Variants in ZFYVE9 observed in about 807,000 individuals in gnomAD.
ZFYVE9 encodes the protein zinc finger FYVE domain-containing protein 9.
ZFYVE9 carries 43 observed loss-of-function variants against 126.7 expected under a neutral mutation model. That is an observed-to-expected ratio of 0.34 (90% CI 0.27 to 0.44). The LOEUF is 0.44. Ranked by LOEUF, ZFYVE9 falls within the 20% of genes least tolerant of loss-of-function variation. ZFYVE9 has a pLI of 1.00. For missense variants in ZFYVE9, 1,476 were observed against 1,697.0 expected (o/e 0.87, Z 2.29); for synonymous variants, 521 against 597.4 (o/e 0.87, Z 1.87).
At chr1:52,340,559 A>G (rs1049452793) in intron 17 of ZFYVE9, among the ~76,000 whole-genome samples, 1 of 152,162 alleles carries the variant, frequency 6.6e-6, no homozygotes, top group African/African-American at 2.4e-5. Flanking sequence ...GTACTTATAA[A>G]CTATTTTAGA....
intron 15 of ZFYVE9, among the ~76,000 whole-genome samples, chr1:52,336,365 T>TG (rs1476932180): frequency 1.1e-4 from 14 of 124,170 alleles, no homozygotes; most frequent in Admixed American, 9.8e-4. Flanking sequence ...AGAGGTTTTT[T>TG]TTGTTTTTTT....
rs1231800143 is a variant in ZFYVE9 at position 52,238,181 on chromosome 1, A to G, written c.764A>G (p.Asp255Gly). Residue 255 changes from aspartate (D) to glycine (G), a missense_variant, in exon 4 of 19, where the codon GAC becomes GGC. Physicochemically the swap from Asp to Gly is moderately conservative, Grantham distance 94. Transcript: ENST00000287727. The stretch of plus-strand genomic sequence containing the variant: ...AAGGATGACGGAAGTATAGGTAGAG[A>G]CCCCTCCATGTCTGCGATTACAAGT... ...QLKDDGSIGR[D>G]PSMSAITSLT... 1 of 1,613,866 alleles carries G rather than the reference A, an allele frequency of 6.2e-7. No homozygotes were observed. The highest frequency in any genetic ancestry group is 1.7e-5 in the Admixed American group (1 of 59,992).
At chr1:52,150,360 A>T (rs1644343187) in intron 1 of ZFYVE9, 1 of 152,246 alleles carries the variant, frequency 6.6e-6, no homozygotes, top group South Asian at 2.1e-4. Flanking sequence ...CAGTAGTGGG[A>T]TCATGTCTGA....
intron 1 of ZFYVE9, among the ~76,000 whole-genome samples, chr1:52,189,141 T>G (rs1225169298): frequency 1.1e-4 from 16 of 151,900 alleles, no homozygotes; most frequent in Non-Finnish European, 2.2e-4. Flanking sequence ...TTCACCATAT[T>G]GGCCCGGGTG....
At chr1:52,171,247 C>T (rs558825163) in intron 1 of ZFYVE9, among the ~76,000 whole-genome samples, 33 of 151,754 alleles carry the variant, frequency 2.2e-4, no homozygotes, top group Middle Eastern at 3.4e-3. Flanking sequence ...TGAGAACATG[C>T]GGTGTTTGGT....
At chr1:52,316,348 G>A (rs1011797616) in intron 13 of ZFYVE9, among the ~76,000 whole-genome samples, 2 of 151,318 alleles carry the variant, frequency 1.3e-5, no homozygotes, top group Non-Finnish European at 2.9e-5. Flanking sequence ...GCTGGGCTTT[G>A]GTGGTGGGTG....
chr1:52,295,650 A>G (rs1440498969), intron 11 of ZFYVE9, among the ~76,000 whole-genome samples: 1 of 152,156 alleles, frequency 6.6e-6, no homozygotes, highest in Non-Finnish European at 1.5e-5. Flanking sequence ...AGCATGAGCC[A>G]CTATGCCTGG....
At chr1:52,253,933 C>T (rs1012221254) in intron 4 of ZFYVE9, 1 of 954,482 alleles carries the variant, frequency 1.0e-6, no homozygotes, top group South Asian at 1.3e-5. Context: ...TTTTCACAAC[C>T]TTCAAGAAAT....
At chr1:52,220,855 T>G (rs894951847) in intron 2 of ZFYVE9, among the ~76,000 whole-genome samples, 2 of 152,166 alleles carry the variant, frequency 1.3e-5, no homozygotes, top group Non-Finnish European at 2.9e-5. Context: ...TGGGTGCCTT[T>G]TCAGAAGAGG....
intron 4 of ZFYVE9, among the ~76,000 whole-genome samples, chr1:52,244,664 T>C (rs1645366492): frequency 6.6e-6 from 1 of 152,170 alleles, no homozygotes; most frequent in African/African-American, 2.4e-5. Context: ...GTCAGTTAGA[T>C]GAATTAAAAA....
intron 1 of ZFYVE9, among the ~76,000 whole-genome samples, chr1:52,173,905 T>C (rs915567688): frequency 6.6e-6 from 1 of 152,182 alleles, no homozygotes; most frequent in Non-Finnish European, 1.5e-5. Context: ...TTTTCTTTGT[T>C]AGTCTTGCTA....
At chr1:52,206,695 G>A (rs1264756243) in intron 1 of ZFYVE9, among the ~76,000 whole-genome samples, 2 of 152,082 alleles carry the variant, frequency 1.3e-5, no homozygotes, top group African/African-American at 4.8e-5. Flanking sequence ...GACTACAGGT[G>A]CCTGCCACCA....
chr1:52,238,828 G>A lies in ZFYVE9; in HGVS notation c.1411G>A (p.Ala471Thr), dbSNP rs775985997. The change falls in exon 4 of 19, where the codon GCA becomes ACA. Residue 471 changes from alanine to threonine, a missense_variant. Ala to Thr is a moderately conservative substitution (Grantham distance 58, BLOSUM62 0). This residue lies in a region of ZFYVE9 where 807 missense variants were observed against 794.6 expected (regional missense o/e 1.02). Coordinates refer to ENST00000287727, the MANE Select transcript of ZFYVE9 (RefSeq NM_004799.4). ...CTCCACTGTTATAGACACACCAGCA[G>A]CAAATTATCTATCTAATGGTTGTGA... The part of the protein sequence containing the change: ...DFSTVIDTPA[A>T]NYLSNGCDSY... The A allele has an allele frequency of 5.6e-6, 9 of 1,613,958 alleles. No individual in the cohort carries two copies. The highest frequency in any genetic ancestry group is 1.1e-5 in the South Asian group (1 of 91,088).
At chr1:52,338,448 A>T (rs1354162259) in intron 16 of ZFYVE9, among the ~76,000 whole-genome samples, 1 of 152,136 alleles carries the variant, frequency 6.6e-6, no homozygotes, top group Non-Finnish European at 1.5e-5. Flanking sequence ...AACCTTGGAG[A>T]CATCTTTGAC....
intron 1 of ZFYVE9, among the ~76,000 whole-genome samples, chr1:52,146,262 G>T (rs1644305910): frequency 6.6e-6 from 1 of 152,138 alleles, no homozygotes; most frequent in South Asian, 2.1e-4. Context: ...GTGGTATCCT[G>T]TGGGTTCCTG....
chr1:52,165,430 C>G (rs1375758040), intron 1 of ZFYVE9, among the ~76,000 whole-genome samples: 1 of 151,942 alleles, frequency 6.6e-6, no homozygotes, highest in Non-Finnish European at 1.5e-5. Flanking sequence ...ATAATAGGAC[C>G]CCTGAACAGT....
chr1:52,243,881 T>C (rs766846268), intron 4 of ZFYVE9, among the ~76,000 whole-genome samples: 14 of 151,792 alleles, frequency 9.2e-5, no homozygotes, highest in Non-Finnish European at 1.8e-4. Context: ...GGGAAGAGAA[T>C]AGACTCAGGG....
At chr1:52,311,769 C>T (rs1394141061) in intron 13 of ZFYVE9, among the ~76,000 whole-genome samples, 1 of 151,770 alleles carries the variant, frequency 6.6e-6, no homozygotes, top group Non-Finnish European at 1.5e-5. Flanking sequence ...ATTAATTGTT[C>T]ATATGGTTAA....
chr1:52,325,530 C>T (rs1646282364), intron 13 of ZFYVE9, among the ~76,000 whole-genome samples: 1 of 152,022 alleles, frequency 6.6e-6, no homozygotes, highest in Non-Finnish European at 1.5e-5. Flanking sequence ...GAAATAAAAA[C>T]AAAAACAGAA....
Sources: gnomAD v4.1 joint callset for allele counts (sites outside exome capture counted in the v4.1 genomes callset) on GRCh38, gnomAD v4.1.1 for gene constraint, gnomAD v4.1.1 regional missense constraint, MANE v1.5 for transcripts, NCBI Gene and HGNC (gene_info 2026-07-23, HGNC 2026-07-21) for gene names.